PATJ: variants seen among roughly 807,000 people sequenced by gnomAD.
PATJ encodes inaD-like protein.
Under a neutral mutation model 224.9 loss-of-function variants are expected in PATJ, and 190 were observed. That is an observed-to-expected ratio of 0.84 (90% CI 0.75 to 0.95). The LOEUF is 0.95. Ranked by LOEUF, PATJ falls within the 40% of genes least tolerant of loss-of-function variation. The pLI is 0.00. For synonymous variants in PATJ, 769 were observed against 820.3 expected (o/e 0.94, Z 1.07); for missense variants, 2,121 against 2,270.3 (o/e 0.93, Z 1.34).
chr1:62,163,562 T>C lies in PATJ; in HGVS notation c.*2508T>C, dbSNP rs537514039. ...CTTTTAGGTCGTGCTAGTAAAAGTA[T>C]ATTGATGAAGGAATTATGATGCTTT... On this transcript the variant is annotated 3_prime_UTR_variant, in exon 44 of 44. Coordinates refer to ENST00000642238, the MANE Select transcript of PATJ (RefSeq NM_001350145.3). 9 of 152,718 alleles carry C rather than the reference T, an allele frequency of 5.9e-5. No individual in the cohort carries two copies. The highest frequency in any genetic ancestry group is 5.2e-4 in the Admixed American group (8 of 15,296). The allele number at this position is 152,718 out of a possible 1,614,324, so 9.5% of individuals were successfully genotyped here.
At chr1:61,993,531 C>G (rs934134626) in intron 28 of PATJ, among the ~76,000 whole-genome samples, 2 of 152,110 alleles carry the variant, frequency 1.3e-5, no homozygotes, top group Admixed American at 1.3e-4. Context: ...TGGCAATCAT[C>G]TCCCATTCAA....
intron 28 of PATJ, among the ~76,000 whole-genome samples, chr1:62,005,196 C>T (rs556226498): frequency 4.6e-5 from 7 of 151,000 alleles, no homozygotes; most frequent in Admixed American, 6.6e-5. Flanking sequence ...AGAGCAGTGG[C>T]GTGATCTCAG....
chr1:62,079,405 C>T, intron 31 of PATJ, 45 bp from the exon 32 acceptor site: 6 of 1,141,818 alleles, frequency 5.3e-6, no homozygotes, highest in Non-Finnish European at 8.0e-6. Context: ...TTTCTTGTTA[C>T]CTTTCTCCTT....
intron 18 of PATJ, among the ~76,000 whole-genome samples, chr1:61,859,435 A>C (rs1055934286): frequency 6.6e-6 from 1 of 151,954 alleles, no homozygotes; most frequent in Non-Finnish European, 1.5e-5. Context: ...TTTAACTACT[A>C]AGTAAGCTTC....
intron 22 of PATJ, among the ~76,000 whole-genome samples, chr1:61,897,349 T>C (rs1670521766): frequency 6.6e-6 from 1 of 152,212 alleles, no homozygotes; most frequent in African/African-American, 2.4e-5. Flanking sequence ...TACATACTCA[T>C]AAACAGAAAC....
chr1:61,929,849 C>G (rs74076821), intron 27 of PATJ, among the ~76,000 whole-genome samples: 5,395 of 152,056 alleles, frequency 0.035, 362 homozygotes, highest in African/African-American at 0.12. Context: ...GTGAAACCCC[C>G]TCTCTTAAAA....
chr1:62,034,035 C>T (rs1294205776), intron 29 of PATJ, among the ~76,000 whole-genome samples: 1 of 152,270 alleles, frequency 6.6e-6, no homozygotes, highest in East Asian at 1.9e-4. Flanking sequence ...AGTCCGTTAT[C>T]TCTCTCCCAG....
chr1:61,944,936 A>G (rs1678428862), intron 27 of PATJ, among the ~76,000 whole-genome samples: 1 of 152,216 alleles, frequency 6.6e-6, no homozygotes, highest in African/African-American at 2.4e-5. Flanking sequence ...ATTCTTAAAG[A>G]AAAGAATTTT....
intron 28 of PATJ, among the ~76,000 whole-genome samples, chr1:62,009,115 G>A (rs191425946): frequency 5.9e-5 from 9 of 152,292 alleles, no homozygotes; most frequent in Admixed American, 4.6e-4. Flanking sequence ...ATCTGAATGA[G>A]CACTCAGGTC....
intron 30 of PATJ, among the ~76,000 whole-genome samples, chr1:62,039,889 C>T (rs1410170892): frequency 6.6e-6 from 1 of 151,976 alleles, no homozygotes; most frequent in Non-Finnish European, 1.5e-5. Flanking sequence ...AGGCCAAAAA[C>T]TCGCCAGGTG....
intron 14 of PATJ, among the ~76,000 whole-genome samples, chr1:61,819,507 T>C (rs1442205812): frequency 1.3e-5 from 2 of 152,158 alleles, no homozygotes; most frequent in Non-Finnish European, 2.9e-5. Context: ...TTGCACACAG[T>C]TTATACCCCG....
chr1:61,875,195 A>T, intron 20 of PATJ, 48 bp from the exon 21 acceptor site: 1 of 1,320,634 alleles, frequency 7.6e-7, no homozygotes, highest in Non-Finnish European at 1.1e-6. Flanking sequence ...ACAGTAATAC[A>T]TTTTTTTCAT....
intron 39 of PATJ, 70 bp downstream of exon 39, chr1:62,123,128 C>G: frequency 9.3e-7 from 1 of 1,076,652 alleles, no homozygotes; most frequent in Non-Finnish European, 1.4e-6. Context: ...TACATTTTCC[C>G]CAATACAGTT....
intron 22 of PATJ, among the ~76,000 whole-genome samples, chr1:61,887,459 T>TGGA (rs1310842390): frequency 6.6e-6 from 1 of 152,184 alleles, no homozygotes; most frequent in Non-Finnish European, 1.5e-5. Flanking sequence ...GGAAAGGTGT[T>TGGA]GGAGCAGAGA....
chr1:61,799,525 A>G (rs746720379), intron 11 of PATJ, among the ~76,000 whole-genome samples: 36 of 152,194 alleles, frequency 2.4e-4, no homozygotes, highest in Non-Finnish European at 2.9e-4. Flanking sequence ...AATTGCTTAC[A>G]TAAATATTTA....
At chr1:61,850,332 G>A (rs1662617423) in intron 17 of PATJ, among the ~76,000 whole-genome samples, 1 of 152,036 alleles carries the variant, frequency 6.6e-6, no homozygotes, top group Non-Finnish European at 1.5e-5. Context: ...CATCCATTTG[G>A]GCATAATGAT....
chr1:61,849,497 G>GT (rs1429692374), intron 17 of PATJ, among the ~76,000 whole-genome samples: 1 of 152,206 alleles, frequency 6.6e-6, no homozygotes, highest in Admixed American at 6.5e-5. Flanking sequence ...GGAGGCTGAG[G>GT]TGGGAGGAGC....
intron 31 of PATJ, among the ~76,000 whole-genome samples, chr1:62,053,923 G>A (rs1463516357): frequency 6.6e-6 from 1 of 152,118 alleles, no homozygotes; most frequent in African/African-American, 2.4e-5. Flanking sequence ...TATGTTCCAG[G>A]TACTGAAGAT....
At chr1:62,144,773 A>ATATATATATATATATATGT (rs1017771263) in intron 41 of PATJ, among the ~76,000 whole-genome samples, 1 of 86,908 alleles carries the variant, frequency 1.2e-5, no homozygotes, top group East Asian at 3.7e-4. Flanking sequence ...TTGCAAAAAA[A>ATATATATATATATATATGT]AAAAATATAT....
Sources: gnomAD v4.1 joint callset for allele counts (sites outside exome capture counted in the v4.1 genomes callset) on GRCh38, gnomAD v4.1.1 for gene constraint, MANE v1.5 for transcripts, NCBI Gene and HGNC (gene_info 2026-07-23, HGNC 2026-07-21) for gene names.